NKAIN3: variants seen among roughly 807,000 people sequenced by gnomAD.
NKAIN3 encodes the protein sodium/potassium transporting ATPase interacting 3.
NKAIN3 carries 25 observed loss-of-function variants against 30.2 expected under a neutral mutation model. That is an observed-to-expected ratio of 0.83 (90% CI 0.60 to 1.16). The LOEUF is 1.16. NKAIN3 is among the 50% of genes most tolerant of loss of function. The pLI, the probability that NKAIN3 is intolerant of heterozygous loss-of-function variation, is 0.00. For synonymous variants in NKAIN3, 91 were observed against 89.6 expected (o/e 1.02, Z -0.09); for missense variants, 225 against 254.1 (o/e 0.89, Z 0.78).
chr8:62,478,418 T>C (rs1347884478), intron 1 of NKAIN3, among the ~76,000 whole-genome samples: 1 of 152,176 alleles, frequency 6.6e-6, no homozygotes, highest in Non-Finnish European at 1.5e-5. Flanking sequence ...AGTCATGCAT[T>C]GTGCAGTAAC....
chr8:62,555,943 A>C (rs1809372355), intron 1 of NKAIN3, among the ~76,000 whole-genome samples: 2 of 152,200 alleles, frequency 1.3e-5, no homozygotes, highest in Non-Finnish European at 2.9e-5. Flanking sequence ...TGCCTAATGG[A>C]AAATGTCTAA....
chr8:62,460,811 G>C (rs1371867001), intron 1 of NKAIN3, among the ~76,000 whole-genome samples: 1 of 152,202 alleles, frequency 6.6e-6, no homozygotes, highest in Non-Finnish European at 1.5e-5. Flanking sequence ...TTTGCTCAGA[G>C]GATTGTGTGT....
intron 1 of NKAIN3, among the ~76,000 whole-genome samples, chr8:62,505,010 T>C (rs1366491406): frequency 6.6e-6 from 1 of 152,206 alleles, no homozygotes; most frequent in African/African-American, 2.4e-5. Flanking sequence ...TCTGCATTTA[T>C]TGTAGTTAAT....
intron 3 of NKAIN3, among the ~76,000 whole-genome samples, chr8:62,623,341 G>A (rs539564584): frequency 1.3e-5 from 2 of 152,120 alleles, no homozygotes; most frequent in African/African-American, 4.8e-5. Context: ...AACCACCATA[G>A]CATTTTCTTC....
intron 4 of NKAIN3, among the ~76,000 whole-genome samples, chr8:62,819,034 T>G (rs1818772773): frequency 6.6e-6 from 1 of 151,372 alleles, no homozygotes; most frequent in African/African-American, 2.4e-5. Context: ...GAAAACAAAT[T>G]GGATGGATAG....
chr8:62,490,935 C>A (rs1277615277), intron 1 of NKAIN3, among the ~76,000 whole-genome samples: 1 of 152,180 alleles, frequency 6.6e-6, no homozygotes, highest in Non-Finnish European at 1.5e-5. Context: ...CAGCACCAAA[C>A]AAACACTCGA....
chr8:62,435,878 T>C (rs1243452142), intron 1 of NKAIN3, among the ~76,000 whole-genome samples: 1 of 152,212 alleles, frequency 6.6e-6, no homozygotes, highest in Non-Finnish European at 1.5e-5. Flanking sequence ...AAAATCTGTT[T>C]TGTAGATTTT....
chr8:62,922,036 A>G (rs1027893340), intron 5 of NKAIN3, among the ~76,000 whole-genome samples: 8 of 152,220 alleles, frequency 5.3e-5, no homozygotes, highest in African/African-American at 1.7e-4. Context: ...TGGGTTGTAT[A>G]TGTTGAATGA....
chr8:62,408,372 C>A (rs1398843351), intron 1 of NKAIN3, among the ~76,000 whole-genome samples: 1 of 152,064 alleles, frequency 6.6e-6, no homozygotes, highest in Admixed American at 6.6e-5. Context: ...TGGAGTTGTG[C>A]AGTATACAGC....
At position 62,973,166 on chromosome 8, in the gene NKAIN3, T is replaced by C. The variant is rs981602116; in HGVS notation, c.*7759T>C. Among the ~76,000 whole-genome samples the C allele has an allele frequency of 1.7e-4, 26 of 152,234 alleles. No homozygotes were observed. Among genetic ancestry groups the C allele is most frequent in the African/African-American group, 6.3e-4 (26 of 41,464 alleles). On this transcript the variant is annotated 3_prime_UTR_variant, in exon 7 of 7. Coordinates refer to ENST00000623646, the MANE Select transcript of NKAIN3 (RefSeq NM_001304533.3). The stretch of plus-strand genomic sequence containing the variant: ...TGTGTCATTATAGTAGAATGATTTA[T>C]AATCCTTTGGGTATACACCCAGTAG...
intron 1 of NKAIN3, among the ~76,000 whole-genome samples, chr8:62,320,152 A>C (rs921667879): frequency 1.8e-4 from 27 of 152,100 alleles, no homozygotes; most frequent in African/African-American, 6.5e-4. Context: ...CTAGGATTGC[A>C]ACCCCTGCCT....
rs1816478544 is a variant in NKAIN3 at position 62,757,130 on chromosome 8, T to TATGGAAATATTAG, written c.471+10002_471+10003insTGGAAATATTAGA. Among the ~76,000 whole-genome samples, 3 of 152,154 alleles carry TATGGAAATATTAG rather than the reference T, an allele frequency of 2.0e-5. No individual in the cohort carries two copies. The South Asian group carries it at 6.2e-4, about 31-fold the overall frequency. Reference sequence around the variant, plus strand: ...AATTAATCGAGCCAACATGGTGACTTAGGGCTTATGGAAATATTAGAGGCA... The same window carrying TATGGAAATATTAG: ...AATTAATCGAGCCAACATGGTGACTTATGGAAATATTAGAGGGCTTATGGAAATATTAGAGGCA... On this transcript the variant is annotated intron_variant, in intron 4 of 6. Coordinates refer to ENST00000623646, the MANE Select transcript of NKAIN3 (RefSeq NM_001304533.3).
At chr8:62,782,135 G>T (rs931535288) in intron 4 of NKAIN3, among the ~76,000 whole-genome samples, 18 of 151,804 alleles carry the variant, frequency 1.2e-4, no homozygotes, top group African/African-American at 4.1e-4. Context: ...TTTCTTAAAA[G>T]AAGATATGCA....
intron 1 of NKAIN3, among the ~76,000 whole-genome samples, chr8:62,431,593 C>T (rs910316893): frequency 1.3e-5 from 2 of 151,716 alleles, no homozygotes; most frequent in Non-Finnish European, 2.9e-5. Flanking sequence ...TAAACTTTAA[C>T]AAAATGAACC....
intron 3 of NKAIN3, among the ~76,000 whole-genome samples, chr8:62,624,372 T>C (rs1281387688): frequency 6.6e-6 from 1 of 152,018 alleles, no homozygotes; most frequent in East Asian, 1.9e-4. Flanking sequence ...ATTTCAGAGT[T>C]CTAGGTTGGT....
chr8:62,275,486 G>T (rs1171663777), intron 1 of NKAIN3, among the ~76,000 whole-genome samples: 7 of 152,126 alleles, frequency 4.6e-5, no homozygotes, highest in African/African-American at 1.7e-4. Flanking sequence ...CACATTATGA[G>T]CCTATTAAGC....
chr8:62,289,138 A>G (rs1813486476), intron 1 of NKAIN3, among the ~76,000 whole-genome samples: 1 of 152,190 alleles, frequency 6.6e-6, no homozygotes, highest in Admixed American at 6.5e-5. Context: ...GATTCTGGAT[A>G]TTAGCCCTTT....
At chr8:62,489,938 A>G (rs866134762) in intron 1 of NKAIN3, among the ~76,000 whole-genome samples, 3 of 152,224 alleles carry the variant, frequency 2.0e-5, no homozygotes, top group African/African-American at 7.2e-5. Context: ...GATAAATTTA[A>G]GGTATCTGAG....
chr8:62,541,462 T>A (rs1230461179), intron 1 of NKAIN3, among the ~76,000 whole-genome samples: 1 of 152,222 alleles, frequency 6.6e-6, no homozygotes, highest in Admixed American at 6.5e-5. Flanking sequence ...TTCTGAAATG[T>A]CCTAACAATG....
Sources: gnomAD v4.1 joint callset for allele counts (sites outside exome capture counted in the v4.1 genomes callset) on GRCh38, gnomAD v4.1.1 for gene constraint, MANE v1.5 for transcripts, NCBI Gene and HGNC (gene_info 2026-07-23, HGNC 2026-07-21) for gene names.